Variants in KCTD16 observed in about 807,000 individuals in gnomAD.
KCTD16 encodes potassium channel tetramerization domain containing 16, also known as BTB/POZ domain-containing protein KCTD16.
A neutral mutation model predicts 33.2 loss-of-function variants in KCTD16; 13 were observed. The ratio of observed to expected loss-of-function variants is 0.39; its 90% CI spans 0.25 to 0.62. The LOEUF is 0.62. Ranked by LOEUF, KCTD16 falls within the 20% of genes least tolerant of loss-of-function variation. KCTD16 has a pLI of 0.50. For missense variants in KCTD16, 441 were observed against 525.1 expected, an observed-to-expected ratio of 0.84 and a Z score of 1.57; for synonymous variants, 197 against 195.3, an observed-to-expected ratio of 1.01 and a Z score of -0.07.
At chr5:144,459,009 T>C (rs145707727) in intron 3 of KCTD16, among the ~76,000 whole-genome samples, 185 of 152,316 alleles carry the variant, frequency 1.2e-3, no homozygotes, top group African/African-American at 4.2e-3. Flanking sequence ...GGCTCTAGTT[T>C]GCAATGTCAA....
rs998123085 is a variant in KCTD16 at position 144,456,228 on chromosome 5, T to C, written c.833-17432T>C. 9.2e-5 allele frequency among the ~76,000 whole-genome samples: 14 copies of C among 152,272 alleles called. No individual in the cohort carries two copies. In the East Asian group the frequency reaches 2.7e-3, roughly 29 times the overall value. ...AACCCCCCCCAACAAAATATAATTT[T>C]GCTGGAATTTTGTACAATAGGGATA... On this transcript the variant is annotated intron_variant, in intron 3 of 3. Coordinates refer to ENST00000512467, the MANE Select transcript of KCTD16 (RefSeq NM_020768.4).
rs180850144 is a variant in KCTD16 at position 144,206,421 on chromosome 5, C to T, written c.-294C>T. On this transcript the variant is annotated 5_prime_UTR_variant, in exon 3 of 4. Coordinates refer to ENST00000512467, the MANE Select transcript of KCTD16 (RefSeq NM_020768.4). The stretch of plus-strand genomic sequence containing the variant: ...TCTGAGTAACTGGGGAATTGGCCTG[C>T]CTTGCATGTGAGCTTGATGGAAGAT... The T allele has an allele frequency of 7.3e-4, 221 of 304,184 alleles. 1 individual carries two copies. In the East Asian group the frequency reaches 0.011, roughly 16 times the overall value. The allele number at this position is 304,184 out of a possible 1,614,324, so 18.8% of individuals were successfully genotyped here.
intron 3 of KCTD16, among the ~76,000 whole-genome samples, chr5:144,466,657 G>T (rs1361462638): frequency 6.6e-6 from 1 of 151,816 alleles, no homozygotes; most frequent in Non-Finnish European, 1.5e-5. Flanking sequence ...AAAACCAGAT[G>T]CTTTGTATTT....
At chr5:144,251,177 T>C (rs1466043242) in intron 3 of KCTD16, among the ~76,000 whole-genome samples, 1 of 152,146 alleles carries the variant, frequency 6.6e-6, no homozygotes, top group Non-Finnish European at 1.5e-5. Context: ...CTTGAAGAAT[T>C]AAACTTTTTT....
At chr5:144,469,582 T>G (rs1754424104) in intron 3 of KCTD16, among the ~76,000 whole-genome samples, 1 of 152,180 alleles carries the variant, frequency 6.6e-6, no homozygotes, top group Admixed American at 6.5e-5. Context: ...ATCCTTTACA[T>G]TAGCTATCTC....
chr5:144,181,883 C>A (rs140587897), intron 2 of KCTD16, among the ~76,000 whole-genome samples: 2 of 152,162 alleles, frequency 1.3e-5, no homozygotes, highest in African/African-American at 4.8e-5. Flanking sequence ...CACCTGAGGT[C>A]AGGAGTTTGA....
chr5:144,250,974 G>A (rs1220337803), intron 3 of KCTD16, among the ~76,000 whole-genome samples: 1 of 152,036 alleles, frequency 6.6e-6, no homozygotes, highest in Non-Finnish European at 1.5e-5. Context: ...AAATGGTATT[G>A]TTATCTAGTC....
chr5:144,299,677 G>C (rs935188905), intron 3 of KCTD16, among the ~76,000 whole-genome samples: 2 of 151,610 alleles, frequency 1.3e-5, no homozygotes, highest in African/African-American at 4.8e-5. Context: ...TTATTGTTTT[G>C]GTAAGGTAGG....
intron 3 of KCTD16, among the ~76,000 whole-genome samples, chr5:144,345,052 G>A (rs964283979): frequency 2.6e-5 from 4 of 152,004 alleles, no homozygotes; most frequent in African/African-American, 9.7e-5. Context: ...CATGTCCTTT[G>A]TAGGGACATG....
intron 3 of KCTD16, among the ~76,000 whole-genome samples, chr5:144,241,943 A>G (rs971242115): frequency 2.6e-5 from 4 of 152,194 alleles, no homozygotes; most frequent in Non-Finnish European, 4.4e-5. Flanking sequence ...ACCATGGTGT[A>G]GCTAAGAATT....
rs1290323715 is a variant in KCTD16 at position 144,207,029 on chromosome 5, A to T, written c.315A>T (p.Arg105Ser). Residue 105 changes from arginine to serine, a missense_variant, in exon 3 of 4, where the codon AGA becomes AGT. This residue lies in a region of KCTD16 where 355 missense variants were observed against 413.0 expected (regional missense o/e 0.86). Transcript: ENST00000512467. ...VLPDHFPEKG[R>S]LKREAEYFQL... Reference sequence around the variant, plus strand: ...CTGATCACTTTCCAGAAAAAGGAAGACTGAAAAGGGAAGCTGAATACTTCC... The same window carrying T: ...CTGATCACTTTCCAGAAAAAGGAAGTCTGAAAAGGGAAGCTGAATACTTCC... The T allele has an allele frequency of 6.2e-7, 1 of 1,614,144 alleles. No individual in the cohort carries two copies. The highest frequency in any genetic ancestry group is 8.5e-7 in the Non-Finnish European group (1 of 1,180,022).
intron 3 of KCTD16, among the ~76,000 whole-genome samples, chr5:144,301,974 A>G (rs942618975): frequency 1.3e-5 from 2 of 152,202 alleles, no homozygotes; most frequent in African/African-American, 4.8e-5. Context: ...TCTTCTAAAT[A>G]GTTTTGGGAT....
At chr5:144,226,963 AT>A (rs2126809166) in intron 3 of KCTD16, among the ~76,000 whole-genome samples, 1 of 152,240 alleles carries the variant, frequency 6.6e-6, no homozygotes, top group Admixed American at 6.5e-5. Context: ...TGCATTATTA[AT>A]TTATTTAACT....
At chr5:144,411,907 A>G (rs1752940931) in intron 3 of KCTD16, among the ~76,000 whole-genome samples, 1 of 152,216 alleles carries the variant, frequency 6.6e-6, no homozygotes, top group Admixed American at 6.5e-5. Flanking sequence ...AATGGCCAGC[A>G]CAGGTATATA....
At chr5:144,290,202 G>A (rs544146580) in intron 3 of KCTD16, among the ~76,000 whole-genome samples, 18 of 152,254 alleles carry the variant, frequency 1.2e-4, no homozygotes, top group African/African-American at 4.3e-4. Context: ...GGCTGAAGTG[G>A]GAGAATTGCT....
intron 3 of KCTD16, among the ~76,000 whole-genome samples, chr5:144,410,566 TG>T (rs996757424): frequency 6.6e-6 from 1 of 152,184 alleles, no homozygotes; most frequent in Non-Finnish European, 1.5e-5. Flanking sequence ...AACAATCTTA[TG>T]TGTATTCCAA....
At chr5:144,401,302 T>C (rs1432774612) in intron 3 of KCTD16, among the ~76,000 whole-genome samples, 4 of 152,190 alleles carry the variant, frequency 2.6e-5, no homozygotes, top group Non-Finnish European at 5.9e-5. Context: ...TATTGATAAC[T>C]AAAAGAAGTG....
chr5:144,238,755 C>G (rs1754321241), intron 3 of KCTD16, among the ~76,000 whole-genome samples: 1 of 152,154 alleles, frequency 6.6e-6, no homozygotes, highest in Non-Finnish European at 1.5e-5. Context: ...TTATCCAAAA[C>G]AACTCATTTG....
chr5:144,224,751 T>G (rs1490563097), intron 3 of KCTD16, among the ~76,000 whole-genome samples: 1 of 152,190 alleles, frequency 6.6e-6, no homozygotes, highest in Non-Finnish European at 1.5e-5. Flanking sequence ...AGGTATGCTA[T>G]GGTATATATT....
Sources: gnomAD v4.1 joint callset for allele counts (sites outside exome capture counted in the v4.1 genomes callset) on GRCh38, gnomAD v4.1.1 for gene constraint, gnomAD v4.1.1 regional missense constraint, MANE v1.5 for transcripts, NCBI Gene and HGNC (gene_info 2026-07-23, HGNC 2026-07-21) for gene names.